Variants in PIGP observed in about 807,000 individuals in gnomAD.
The protein encoded by PIGP is phosphatidylinositol N-acetylglucosaminyltransferase subunit P.
A neutral mutation model predicts 16.9 loss-of-function variants in PIGP; 12 were observed. That is an observed-to-expected ratio of 0.71 (90% CI 0.46 to 1.15). The LOEUF (loss-of-function observed/expected upper bound fraction) is 1.15. Ranked by LOEUF, PIGP falls within the 50% of genes most tolerant of loss-of-function variation. PIGP has a pLI of 0.00. For synonymous variants in PIGP, 57 were observed against 54.7 expected, an observed-to-expected ratio of 1.04 and a Z score of -0.18; for missense variants, 159 against 153.5, an observed-to-expected ratio of 1.04 and a Z score of -0.19.
intron 3 of PIGP, 107 bp downstream of exon 3, chr21:37,069,445 G>A (rs187108307): frequency 1.1e-4 from 73 of 643,120 alleles, no homozygotes; most frequent in African/African-American, 1.1e-3. Context: ...GGCTATTCAT[G>A]AATTTTAAGA....
In PIGP at chr21:37,065,482, T is replaced by C. The variant is rs2069885621; in HGVS notation, c.*100A>G. 2 of 1,186,998 alleles carry C rather than the reference T, an allele frequency of 1.7e-6. No homozygotes were observed. The highest frequency in any genetic ancestry group is 3.1e-5 in the African/African-American group (2 of 63,766). The allele number at this position is 1,186,998 out of a possible 1,614,324, so 73.5% of individuals were successfully genotyped here. On this transcript the variant is annotated 3_prime_UTR_variant, in exon 5 of 5. Coordinates refer to ENST00000360525, the MANE Select transcript of PIGP (RefSeq NM_153682.3). ...GGTCAACTTACATTTTTTACTTCTC[T>C]ATTAATAAGAGAGATGGTCAAATTA...
rs112163592 is a variant in PIGP, at chr21:37,065,635, C to G, written c.352G>C (p.Glu118Gln). Reference protein sequence around the residue: ...IPALRDISISEVNQMFFLAAK... With the variant: ...IPALRDISISQVNQMFFLAAK... Reference sequence around the variant, plus strand: ...GCAAGAAAGAACATTTGGTTTACTTCACTAATAGAAATATCTCTTAAGGCT... The same window carrying G: ...GCAAGAAAGAACATTTGGTTTACTTGACTAATAGAAATATCTCTTAAGGCT... Residue 118 changes from glutamate to glutamine, a missense_variant, in exon 5 of 5, where the codon GAA becomes CAA. By Grantham distance (29) the Glu-to-Gln change is conservative. Coordinates refer to ENST00000360525, the MANE Select transcript of PIGP (RefSeq NM_153682.3). 4 of 1,613,554 alleles carry G rather than the reference C, an allele frequency of 2.5e-6. No homozygotes were observed. The highest frequency in any genetic ancestry group is 1.3e-5 in the African/African-American group (1 of 75,024).
chr21:37,072,658 C>G (rs2070174711), intron 1 of PIGP, 121 bp from the exon 2 acceptor site: 5 of 1,546,144 alleles, frequency 3.2e-6, no homozygotes, highest in South Asian at 1.1e-5. Context: ...CCCGCGCCTC[C>G]GTCCGCAACC....
intron 3 of PIGP, chr21:37,069,289 T>G: frequency 4.0e-6 from 1 of 250,794 alleles, no homozygotes. Flanking sequence ...GTGGTTTGTA[T>G]CTTCAGTTTT....
Position 37,073,026 on chromosome 21 carries a change from G to A in PIGP, c.-49C>T. The A allele has an allele frequency of 6.3e-6, 1 of 159,684 alleles. No individual in the cohort carries two copies. The allele number at this position is 159,684 out of a possible 1,614,324, so 9.9% of individuals were successfully genotyped here. ...TCAGCGCTGAGTTCTCCGCGCAAGC[G>A]CCGACTGGGGAGCCGCAGTGGGGAA... On this transcript the variant is annotated 5_prime_UTR_variant, in exon 1 of 5. Transcript: ENST00000360525.
At chr21:37,070,924 G>A (rs950844065) in intron 2 of PIGP, among the ~76,000 whole-genome samples, 4 of 152,144 alleles carry the variant, frequency 2.6e-5, no homozygotes, top group African/African-American at 7.2e-5. Flanking sequence ...CACCATCCCG[G>A]CTAATTTTGT....
At chr21:37,072,125 A>C (rs1376184488) in intron 2 of PIGP, 2 of 941,904 alleles carry the variant, frequency 2.1e-6, no homozygotes, top group African/African-American at 3.2e-5. Flanking sequence ...CATCACACTG[A>C]GCATTAACTG....
chr21:37,072,717 C>T lies in PIGP; in HGVS notation c.-22-180G>A. 4 of 968,272 alleles carry T rather than the reference C, an allele frequency of 4.1e-6. No individual in the cohort carries two copies. In the South Asian group the frequency reaches 6.2e-5, roughly 15 times the overall value. 60.0% of individuals were successfully genotyped at this position (968,272 alleles called of 1,614,324 possible). A position where few individuals can be genotyped will look rare whatever the true frequency, so the allele number is the denominator to read the frequency against. Reference sequence around the variant, plus strand: ...CAGACACCCAGGCTGGCGCGCGCCCCGCAACAGAAGGGGTGGCGGAGGATA... The same window carrying T: ...CAGACACCCAGGCTGGCGCGCGCCCTGCAACAGAAGGGGTGGCGGAGGATA... On this transcript the variant is annotated intron_variant, in intron 1 of 4. Coordinates refer to ENST00000360525, the MANE Select transcript of PIGP (RefSeq NM_153682.3).
At chr21:37,070,597 A>G (rs2069987869) in intron 2 of PIGP, among the ~76,000 whole-genome samples, 1 of 152,140 alleles carries the variant, frequency 6.6e-6, no homozygotes, top group Admixed American at 6.5e-5. Flanking sequence ...CTGATACTAT[A>G]TACGTTTTTC....
At chr21:37,069,280 T>G in intron 3 of PIGP, 1 of 231,368 alleles carries the variant, frequency 4.3e-6, no homozygotes. Flanking sequence ...ATTGTTTCTG[T>G]GGTTTGTATC....
At chr21:37,065,941 G>A (rs2069894874) in intron 4 of PIGP, among the ~76,000 whole-genome samples, 1 of 152,108 alleles carries the variant, frequency 6.6e-6, no homozygotes, top group Non-Finnish European at 1.5e-5. Context: ...AAATTAGCCT[G>A]GTGAGGTGGC....
intron 4 of PIGP, among the ~76,000 whole-genome samples, chr21:37,066,109 A>C (rs1739611415): frequency 1.3e-5 from 2 of 151,614 alleles, no homozygotes; most frequent in Admixed American, 6.6e-5. Context: ...AAATAAATAA[A>C]TAAATAAATA....
chr21:37,072,352 G>C, intron 2 of PIGP, 82 bp downstream of exon 2: 1 of 1,600,022 alleles, frequency 6.2e-7, no homozygotes, highest in South Asian at 1.1e-5. Context: ...CAGTTCATGT[G>C]TGCACAGTCT....
intron 4 of PIGP, among the ~76,000 whole-genome samples, chr21:37,066,106 T>A (rs1040760700): frequency 1.3e-5 from 2 of 151,106 alleles, no homozygotes; most frequent in Admixed American, 6.6e-5. Context: ...AAAAAATAAA[T>A]AAATAAATAA....
chr21:37,069,626 T>C lies in PIGP; in HGVS notation c.83-2A>G. 1 of 1,553,538 alleles carries C rather than the reference T, an allele frequency of 6.4e-7. No homozygotes were observed. The highest frequency in any genetic ancestry group is 8.7e-7 in the Non-Finnish European group (1 of 1,146,034). On this transcript the variant is annotated splice_acceptor_variant, in intron 2 of 4. Coordinates refer to ENST00000360525, the MANE Select transcript of PIGP (RefSeq NM_153682.3). LOFTEE classifies it high-confidence loss of function. The stretch of plus-strand genomic sequence containing the variant: ...TAAAGGCCCACACGAGGTAAAGTAC[T>C]GTAGAAAAGAAAAAGAAAAAAAAGA...
chr21:37,066,970 CCGTGTGTGTGTG>C (rs1478017969), intron 4 of PIGP, among the ~76,000 whole-genome samples: 1 of 103,516 alleles, frequency 9.7e-6, no homozygotes, highest in African/African-American at 3.7e-5. Context: ...TTTTTACTGT[CCGTGTGTGTGTG>C]TGTGTGTGTG....
At chr21:37,072,404 C>G in intron 2 of PIGP, 30 bp downstream of exon 2, 1 of 1,613,204 alleles carries the variant, frequency 6.2e-7, no homozygotes, top group Non-Finnish European at 8.5e-7. Flanking sequence ...CCAGAAAAAG[C>G]CCCTGGCCAT....
intron 2 of PIGP, chr21:37,072,004 C>G (rs2070084170): frequency 2.9e-6 from 2 of 695,568 alleles, no homozygotes; most frequent in Admixed American, 2.1e-5. Context: ...CACTTCTTCC[C>G]TCCCTCTTAC....
At chr21:37,072,638 A>G in intron 1 of PIGP, 101 bp from the exon 2 acceptor site, 2 of 1,590,348 alleles carry the variant, frequency 1.3e-6, no homozygotes, top group Non-Finnish European at 1.7e-6. Context: ...CCCGCCGCGC[A>G]GAACCGCCTC....
Sources: gnomAD v4.1 joint callset for allele counts (sites outside exome capture counted in the v4.1 genomes callset) on GRCh38, gnomAD v4.1.1 for gene constraint, MANE v1.5 for transcripts, NCBI Gene and HGNC (gene_info 2026-07-23, HGNC 2026-07-21) for gene names.